Variants in DOCK8 observed in about 807,000 individuals in gnomAD.
DOCK8 encodes the protein dedicator of cytokinesis protein 8.
Under a neutral mutation model 245.6 loss-of-function variants are expected in DOCK8, and 141 were observed. The observed-to-expected ratio is 0.57, with a 90% CI of 0.50 to 0.66. DOCK8 has a LOEUF of 0.66. Among genes scored for constraint, DOCK8 ranks in the 30% least tolerant of loss-of-function variants. The pLI, the probability that DOCK8 is intolerant of heterozygous loss-of-function variation, is 0.00. For missense variants in DOCK8, 2,965 were observed against 2,603.4 expected, an observed-to-expected ratio of 1.14 and a Z score of -3.02; for synonymous variants, 1,168 against 970.2, an observed-to-expected ratio of 1.20 and a Z score of -3.79.
At chr9:324,931 G>A (rs1466911978) in intron 7 of DOCK8, among the ~76,000 whole-genome samples, 5 of 152,102 alleles carry the variant, frequency 3.3e-5, no homozygotes, top group Non-Finnish European at 2.9e-5. Flanking sequence ...CCCAAGCAGT[G>A]TACATTGTAC....
chr9:246,381 A>G (rs907149109), intron 1 of DOCK8, among the ~76,000 whole-genome samples: 2 of 152,038 alleles, frequency 1.3e-5, no homozygotes, highest in African/African-American at 4.8e-5. Flanking sequence ...AAAATTAAAA[A>G]CAGCCAGACA....
rs749863710 is a variant in DOCK8 at position 215,037 on chromosome 9, GC to G, written c.53+14del. On this transcript the variant is annotated intron_variant, in intron 1 of 47. Transcript: ENST00000432829. Reference sequence around the variant, plus strand: ...CGCGCTCAAGATCAACAGGTAAGACGCCCCCCGCGGCGCGCAGGTTGCGGCC... The same window carrying G: ...CGCGCTCAAGATCAACAGGTAAGACGCCCCCGCGGCGCGCAGGTTGCGGCC... The G allele has an allele frequency of 1.8e-5, 29 of 1,572,678 alleles. No individual in the cohort carries two copies. The highest frequency in any genetic ancestry group is 1.8e-4 in the South Asian group (16 of 87,404).
At chr9:276,883 A>G (rs1199111120) in intron 2 of DOCK8, 1 of 230,704 alleles carries the variant, frequency 4.3e-6, no homozygotes, top group Admixed American at 4.7e-5. Context: ...ATCTTGGCTC[A>G]CTACAACCTC....
intron 18 of DOCK8, among the ~76,000 whole-genome samples, chr9:375,492 C>T (rs1165088764): frequency 6.6e-6 from 1 of 152,190 alleles, no homozygotes; most frequent in Non-Finnish European, 1.5e-5. Context: ...ATTAAAATTT[C>T]ATGTCTTGTA....
At chr9:252,740 GT>G (rs2131470063) in intron 1 of DOCK8, among the ~76,000 whole-genome samples, 1 of 151,148 alleles carries the variant, frequency 6.6e-6, no homozygotes, top group South Asian at 2.1e-4. Context: ...GGAGGTCGCA[GT>G]GAGCCGAGAT....
At chr9:413,161 A>G (rs1935723103) in intron 28 of DOCK8, among the ~76,000 whole-genome samples, 1 of 152,190 alleles carries the variant, frequency 6.6e-6, no homozygotes, top group African/African-American at 2.4e-5. Context: ...CAATGGGGGA[A>G]AATAGAATTT....
Position 235,863 on chromosome 9 carries a change from T to G in DOCK8, c.53+20834T>G, listed in dbSNP as rs2047233249. ...CCCTTGCACTTCCCGGGTGAGGTGA[T>G]GCCTTGCCCTGCTTCGGCTCACGCA... is the stretch of plus-strand genomic sequence containing the variant. On this transcript the variant is annotated intron_variant, in intron 1 of 47. Transcript: ENST00000432829. Among the ~76,000 whole-genome samples, 5 of 152,224 alleles carry G rather than the reference T, an allele frequency of 3.3e-5. No individual in the cohort carries two copies. The South Asian group carries it at 1.0e-3, about 31-fold the overall frequency.
At chr9:446,750 T>G in intron 44 of DOCK8, 144 bp downstream of exon 44, 10 of 750,618 alleles carry the variant, frequency 1.3e-5, no homozygotes, top group Non-Finnish European at 2.3e-5. Context: ...GTCCTTTCAC[T>G]CTCATAGTGC....
chr9:365,216 G>T (rs1407854765), intron 14 of DOCK8, among the ~76,000 whole-genome samples: 1 of 152,190 alleles, frequency 6.6e-6, no homozygotes, highest in African/African-American at 2.4e-5. Context: ...CATTGTAAGA[G>T]GCAAGTGTAG....
At chr9:397,047 A>G in intron 25 of DOCK8, 113 bp downstream of exon 25, 1 of 1,271,464 alleles carries the variant, frequency 7.9e-7, no homozygotes, top group Non-Finnish European at 1.1e-6. Context: ...TATAACTGTA[A>G]TGACAGTTAA....
At chr9:276,545 G>C (rs1490069615) in intron 2 of DOCK8, among the ~76,000 whole-genome samples, 1 of 152,086 alleles carries the variant, frequency 6.6e-6, no homozygotes, top group Non-Finnish European at 1.5e-5. Flanking sequence ...TTTGAAGTTG[G>C]TTTTCTAGAT....
chr9:211,694 TTC>T (rs893715553), upstream of DOCK8, among the ~76,000 whole-genome samples: 35 of 152,182 alleles, frequency 2.3e-4, no homozygotes, highest in African/African-American at 8.2e-4. Context: ...GCTGACGTAT[TTC>T]TAAAGTTCAG....
At chr9:250,330 A>T (rs534766945) in intron 1 of DOCK8, among the ~76,000 whole-genome samples, 5 of 152,336 alleles carry the variant, frequency 3.3e-5, no homozygotes, top group Admixed American at 6.5e-5. Context: ...TGTGAGCTAA[A>T]TGAGTCAAAG....
At chr9:422,264 A>G (rs2056307801) in intron 33 of DOCK8, 129 bp downstream of exon 33, 1 of 818,808 alleles carries the variant, frequency 1.2e-6, no homozygotes, top group Non-Finnish European at 2.1e-6. Flanking sequence ...ATCTGTGTAA[A>G]TACAATTCAT....
chr9:255,636 C>G (rs992111270), intron 1 of DOCK8, among the ~76,000 whole-genome samples: 1 of 137,106 alleles, frequency 7.3e-6, no homozygotes, highest in Non-Finnish European at 1.5e-5. Context: ...CCACTGCACT[C>G]CAGCCTGGGG....
chr9:304,784 A>G (rs1586651209), intron 5 of DOCK8, 80 bp downstream of exon 5: 2 of 1,599,024 alleles, frequency 1.3e-6, no homozygotes, highest in African/African-American at 2.7e-5. Flanking sequence ...ACAAACTAGA[A>G]TAAACGATAG....
intron 1 of DOCK8, among the ~76,000 whole-genome samples, chr9:248,609 C>T (rs941969431): frequency 6.6e-6 from 1 of 150,456 alleles, no homozygotes; most frequent in African/African-American, 2.5e-5. Context: ...TTCTTTCTTT[C>T]CATCTTCTTT....
chr9:297,934 CT>C (rs1317570868), intron 4 of DOCK8, among the ~76,000 whole-genome samples: 1 of 152,162 alleles, frequency 6.6e-6, no homozygotes, highest in Non-Finnish European at 1.5e-5. Context: ...GTGAACTGAA[CT>C]TTTAACATTA....
At chr9:311,854 G>A in intron 5 of DOCK8, 100 bp from the exon 6 acceptor site, 2 of 1,435,064 alleles carry the variant, frequency 1.4e-6, no homozygotes, top group Non-Finnish European at 1.9e-6. Flanking sequence ...CTGAGATTCT[G>A]TAGTCCCAAA....
Sources: allele counts gnomAD v4.1 joint callset (sites outside exome capture counted in the v4.1 genomes callset), GRCh38; gene constraint gnomAD v4.1.1; transcripts MANE v1.5; gene names NCBI Gene and HGNC (gene_info 2026-07-23, HGNC 2026-07-21).